EPS15: variants seen among roughly 807,000 people sequenced by gnomAD.
EPS15 encodes epidermal growth factor receptor pathway substrate 15, also known as epidermal growth factor receptor substrate 15.
EPS15 carries 72 observed loss-of-function variants against 113.8 expected under a neutral mutation model. The ratio of observed to expected loss-of-function variants is 0.63; its 90% confidence interval spans 0.52 to 0.77. The LOEUF (loss-of-function observed/expected upper bound fraction) is 0.77. EPS15 is among the 30% of genes least tolerant of loss of function. EPS15 has a pLI of 0.00. For missense variants in EPS15, 1,048 were observed against 1,045.8 expected, an observed-to-expected ratio of 1.00 and a Z score of -0.03; for synonymous variants, 344 against 363.4, an observed-to-expected ratio of 0.95 and a Z score of 0.61.
intron 12 of EPS15, among the ~76,000 whole-genome samples, chr1:51,426,594 AG>A (rs994837003): frequency 3.3e-5 from 5 of 151,556 alleles, no homozygotes; most frequent in Admixed American, 1.3e-4. Flanking sequence ...GGTAGGCTTG[AG>A]TAAAGCAGAT....
chr1:51,390,038 C>A (rs1359702681), intron 21 of EPS15, among the ~76,000 whole-genome samples: 2 of 152,066 alleles, frequency 1.3e-5, no homozygotes, highest in East Asian at 1.9e-4. Flanking sequence ...ACAAAGCTGG[C>A]AGCATCAAAT....
intron 1 of EPS15, among the ~76,000 whole-genome samples, chr1:51,503,407 G>A (rs985555817): frequency 6.6e-5 from 10 of 152,112 alleles, no homozygotes; most frequent in South Asian, 2.1e-4. Context: ...AGGCTGAGGC[G>A]GGTGGATTAC....
intron 1 of EPS15, among the ~76,000 whole-genome samples, chr1:51,497,608 A>G (rs372205787): frequency 6.6e-6 from 1 of 152,198 alleles, no homozygotes; most frequent in South Asian, 2.1e-4. Context: ...ATCATGACAT[A>G]TAAATATTCG....
rs542734187 is a variant in EPS15, at chr1:51,389,129, T to C, written c.2119+5252A>G. On this transcript the variant is annotated intron_variant, in intron 21 of 24. Coordinates refer to ENST00000371733, the MANE Select transcript of EPS15 (RefSeq NM_001981.3). ...AAAAAGCTTATCCACCATGATCAAG[T>C]GGGCTTCATCCCTGGGATGCAAGGC... is the stretch of plus-strand genomic sequence containing the variant. Among the ~76,000 whole-genome samples the C allele has an allele frequency of 6.5e-3, 992 of 152,308 alleles. 11 individuals carry two copies. Among genetic ancestry groups the C allele is most frequent in the African/African-American group, 0.023 (954 of 41,562 alleles).
At chr1:51,462,872 T>A (rs913090944) in intron 7 of EPS15, among the ~76,000 whole-genome samples, 4 of 110,774 alleles carry the variant, frequency 3.6e-5, no homozygotes, top group Non-Finnish European at 8.1e-5. Context: ...AAAGTCAGAT[T>A]TTTTTTTTTT....
chr1:51,488,472 TAAAAAA>T (rs71063033), intron 1 of EPS15, among the ~76,000 whole-genome samples: 11 of 85,304 alleles, frequency 1.3e-4, no homozygotes, highest in Admixed American at 4.0e-4. Flanking sequence ...TAAAGTTTTG[TAAAAAA>T]AAAAAAAAAA....
intron 21 of EPS15, among the ~76,000 whole-genome samples, chr1:51,378,884 T>C (rs951763604): frequency 3.9e-5 from 6 of 152,056 alleles, no homozygotes; most frequent in African/African-American, 1.4e-4. Context: ...CCCACACTAA[T>C]CTTTATACCG....
intron 12 of EPS15, chr1:51,423,098 G>T: frequency 2.8e-6 from 2 of 702,916 alleles, no homozygotes; most frequent in Non-Finnish European, 3.9e-6. Flanking sequence ...CAACTGTTTT[G>T]GATACGTAGG....
chr1:51,381,804 T>C (rs1009331446), intron 21 of EPS15, among the ~76,000 whole-genome samples: 9 of 152,048 alleles, frequency 5.9e-5, no homozygotes, highest in Non-Finnish European at 1.0e-4. Flanking sequence ...TAACGGGATA[T>C]AGCAGCAAAA....
intron 8 of EPS15, among the ~76,000 whole-genome samples, chr1:51,456,016 A>G (rs1653970331): frequency 2.0e-5 from 3 of 152,120 alleles, no homozygotes; most frequent in African/African-American, 2.4e-5. Flanking sequence ...TGGGCTTCTG[A>G]GAATATGAAC....
Position 51,454,445 on chromosome 1 carries a change from G to C in EPS15, c.562-6310C>G, listed in dbSNP as rs1653823970. On this transcript the variant is annotated intron_variant, in intron 8 of 24. Transcript: ENST00000371733. ...TGGCAAACACTTATCTTAAATAAGT[G>C]AAGGTTAACATCAATAGTGATGTCA... is the stretch of plus-strand genomic sequence containing the variant. Among the ~76,000 whole-genome samples the C allele has an allele frequency of 2.0e-5, 3 of 152,314 alleles. No individual in the cohort carries two copies. The South Asian group carries it at 6.2e-4, about 32-fold the overall frequency.
chr1:51,409,499 T>C (rs745957675), intron 14 of EPS15, 36 bp downstream of exon 14: 1 of 1,561,238 alleles, frequency 6.4e-7, no homozygotes, highest in Non-Finnish European at 8.7e-7. Context: ...GCAACTAATG[T>C]ATAGGTGCAG....
chr1:51,407,824 A>G (rs753992640), intron 15 of EPS15, among the ~76,000 whole-genome samples: 1 of 152,208 alleles, frequency 6.6e-6, no homozygotes, highest in Non-Finnish European at 1.5e-5. Flanking sequence ...TAATCCTCCA[A>G]TTTTGAAGAT....
At chr1:51,497,227 G>C (rs1001585883) in intron 1 of EPS15, among the ~76,000 whole-genome samples, 2 of 152,142 alleles carry the variant, frequency 1.3e-5, no homozygotes, top group Non-Finnish European at 2.9e-5. Context: ...TACATACAGA[G>C]CAATGATGAC....
intron 1 of EPS15, among the ~76,000 whole-genome samples, chr1:51,508,338 G>GAGAAAGAAAGAAAGGAAAGAAAGAA (rs1644553729): frequency 8.2e-6 from 1 of 122,248 alleles, no homozygotes; most frequent in African/African-American, 3.2e-5. Context: ...AAGAGAAAGA[G>GAGAAAGAAAGAAAGGAAAGAAAGAA]AGAAAGAAAG....
chr1:51,397,456 T>C (rs539825417), intron 20 of EPS15, among the ~76,000 whole-genome samples: 1 of 152,196 alleles, frequency 6.6e-6, no homozygotes, highest in Non-Finnish European at 1.5e-5. Flanking sequence ...ATTTTTAAAT[T>C]AGAAGAGCTA....
rs780439009 is a variant in EPS15 at position 51,472,874 on chromosome 1, G to A, written c.150C>T (p.Asp50=). 1 of 1,612,618 alleles carries A rather than the reference G, an allele frequency of 6.2e-7. No individual in the cohort carries two copies. Among genetic ancestry groups the A allele is most frequent in the Non-Finnish European group, 8.5e-7 (1 of 1,178,718 alleles). Residue 50 remains aspartate (D), a synonymous_variant, in exon 3 of 25, where the codon GAC becomes GAT. Transcript: ENST00000371733. ...CGAATACTACCTTTCCAAGTATCAA[G>A]TCTGGAAGCCCTGATTTTTTCAGGA... ...AAFLKKSGLP[D]LILGKIWDLA...
intron 1 of EPS15, among the ~76,000 whole-genome samples, chr1:51,503,955 A>C (rs1268636365): frequency 6.6e-6 from 1 of 152,228 alleles, no homozygotes; most frequent in Non-Finnish European, 1.5e-5. Context: ...TCAACTTGAA[A>C]TAGATCAAGG....
At chr1:51,409,820 G>C in intron 13 of EPS15, 124 bp from the exon 14 acceptor site, 1 of 640,226 alleles carries the variant, frequency 1.6e-6, no homozygotes, top group Non-Finnish European at 2.7e-6. Flanking sequence ...GATGAGACTA[G>C]GGTACTTAAC....
Sources: gnomAD v4.1 joint callset for allele counts (sites outside exome capture counted in the v4.1 genomes callset) on GRCh38, gnomAD v4.1.1 for gene constraint, MANE v1.5 for transcripts, NCBI Gene and HGNC (gene_info 2026-07-23, HGNC 2026-07-21) for gene names.